Variants in XYLB observed in about 807,000 individuals in gnomAD.
The protein encoded by XYLB is xylulose kinase.
A neutral mutation model predicts 78.7 loss-of-function variants in XYLB; 62 were observed. The observed-to-expected ratio is 0.79, with a 90% CI of 0.64 to 0.97. The LOEUF is 0.97. Among genes scored for constraint, XYLB ranks in the 50% least tolerant of loss-of-function variants. The pLI is 0.00. For synonymous variants in XYLB, 245 were observed against 247.4 expected (o/e 0.99, Z 0.09); for missense variants, 687 against 676.8 (o/e 1.02, Z -0.17).
intron 2 of XYLB, among the ~76,000 whole-genome samples, 167 bp downstream of exon 2, chr3:38,348,799 C>G (rs916823250): frequency 5.9e-5 from 9 of 152,142 alleles, no homozygotes; most frequent in African/African-American, 2.2e-4. Context: ...AGTGCCATCT[C>G]CCCCATTTCT....
At chr3:38,427,197 T>A in the XYLB span, among the ~76,000 whole-genome samples, 1 of 152,198 alleles carries the variant, frequency 6.6e-6, no homozygotes, top group Non-Finnish European at 1.5e-5. Context: ...TTCCTGTGTC[T>A]TTGTCTTAAT....
chr3:38,353,482 T>A (rs960707304), intron 2 of XYLB, among the ~76,000 whole-genome samples: 2 of 151,958 alleles, frequency 1.3e-5, no homozygotes, highest in African/African-American at 4.8e-5. Context: ...AATTTTTTTG[T>A]ATTTTTTTTG....
At position 38,355,604 on chromosome 3, in the gene XYLB, T is replaced by G. The variant is rs756864637; in HGVS notation, c.141-4735T>G. The stretch of plus-strand genomic sequence containing the variant: ...CTTCCTAGGCACTCTCCTGCCTTCC[T>G]TGTAGTTATGTTCAGCCATGTGACT... On this transcript the variant is annotated intron_variant, in intron 2 of 18. Coordinates refer to ENST00000207870, the MANE Select transcript of XYLB (RefSeq NM_005108.4). The G allele has an allele frequency of 8.3e-6, 5 of 602,820 alleles. No individual in the cohort carries two copies. In the East Asian group the frequency reaches 1.4e-4, roughly 17 times the overall value. The allele number at this position is 602,820 out of a possible 1,614,324, so 37.3% of individuals were successfully genotyped here.
intron 2 of XYLB, among the ~76,000 whole-genome samples, chr3:38,353,082 A>G (rs938739952): frequency 1.3e-5 from 2 of 152,128 alleles, no homozygotes; most frequent in African/African-American, 4.8e-5. Context: ...TGAATTTCCC[A>G]GTCTCTTTTA....
At chr3:38,365,539 G>A (rs757980580) in intron 5 of XYLB, 69 bp from the exon 6 acceptor site, 33 of 1,549,866 alleles carry the variant, frequency 2.1e-5, no homozygotes, top group Non-Finnish European at 2.8e-5. Flanking sequence ...CAGTGTGACC[G>A]CCAGCCCTGG....
At chr3:38,353,631 C>T (rs2125553838) in intron 2 of XYLB, among the ~76,000 whole-genome samples, 1 of 152,002 alleles carries the variant, frequency 6.6e-6, no homozygotes, top group Middle Eastern at 3.4e-3. Context: ...TTTTAGAAGC[C>T]CATCTTTACC....
intron 15 of XYLB, among the ~76,000 whole-genome samples, chr3:38,393,250 C>T (rs116581300): frequency 0.015 from 2,304 of 152,174 alleles, 64 homozygotes; most frequent in African/African-American, 0.052. Context: ...TCCTGGGTTC[C>T]TCCCACCTCA....
chr3:38,441,825 A>C, the XYLB span, among the ~76,000 whole-genome samples: 1 of 152,312 alleles, frequency 6.6e-6, no homozygotes, highest in Non-Finnish European at 1.5e-5. Context: ...GTATGCCACT[A>C]GTTGTAGGGT....
chr3:38,354,082 A>G (rs976956781), intron 2 of XYLB, among the ~76,000 whole-genome samples: 3 of 151,316 alleles, frequency 2.0e-5, no homozygotes, highest in Admixed American at 6.6e-5. Flanking sequence ...TTGTTTGTTT[A>G]TTTACTTTTG....
At chr3:38,347,003 C>G in intron 1 of XYLB, 78 bp downstream of exon 1, 1 of 1,299,640 alleles carries the variant, frequency 7.7e-7, no homozygotes, top group Non-Finnish European at 9.9e-7. Flanking sequence ...GTCACCCGGA[C>G]GCGGGAAAAC....
chr3:38,363,496 A>G (rs373370704), intron 4 of XYLB, among the ~76,000 whole-genome samples: 1 of 152,166 alleles, frequency 6.6e-6, no homozygotes, highest in African/African-American at 2.4e-5. Context: ...TCCAGATGTC[A>G]TCCAACTTAA....
At chr3:38,429,144 C>A in the XYLB span, among the ~76,000 whole-genome samples, 1 of 152,200 alleles carries the variant, frequency 6.6e-6, no homozygotes, top group Admixed American at 6.5e-5. Context: ...CAGCACAATT[C>A]TGAAGAGTCA....
At chr3:38,449,736 C>T in the XYLB span, among the ~76,000 whole-genome samples, 1 of 152,190 alleles carries the variant, frequency 6.6e-6, no homozygotes, top group Non-Finnish European at 1.5e-5. Context: ...GTCTGTGTCC[C>T]TGAGTTATTA....
chr3:38,354,835 T>C (rs1330206708), intron 2 of XYLB, among the ~76,000 whole-genome samples: 3 of 152,226 alleles, frequency 2.0e-5, no homozygotes, highest in Non-Finnish European at 4.4e-5. Context: ...GATCATATTA[T>C]CTTTATAAAT....
At chr3:38,449,322 C>T in the XYLB span, among the ~76,000 whole-genome samples, 8 of 152,046 alleles carry the variant, frequency 5.3e-5, no homozygotes, top group East Asian at 1.9e-4. Context: ...AGGGTTTCAC[C>T]GTGTTGGCCA....
At chr3:38,430,325 A>G in the XYLB span, among the ~76,000 whole-genome samples, 2 of 152,138 alleles carry the variant, frequency 1.3e-5, no homozygotes, top group Non-Finnish European at 2.9e-5. Context: ...GCATTTTTTC[A>G]TGGGTCTGTT....
chr3:38,423,666 T>C (rs940034819), downstream of XYLB, among the ~76,000 whole-genome samples: 1 of 152,254 alleles, frequency 6.6e-6, no homozygotes, highest in South Asian at 2.1e-4. Flanking sequence ...AACAGTCCAA[T>C]GATTTGTCAG....
chr3:38,375,995 C>T (rs1706834117), intron 12 of XYLB, 122 bp from the exon 13 acceptor site: 2 of 722,106 alleles, frequency 2.8e-6, no homozygotes, highest in South Asian at 3.1e-5. Context: ...CTGCTGTGCA[C>T]TGACTAGGGG....
At chr3:38,380,299 A>AT (rs1707085920) in intron 15 of XYLB, among the ~76,000 whole-genome samples, 1 of 152,116 alleles carries the variant, frequency 6.6e-6, no homozygotes, top group Admixed American at 6.5e-5. Flanking sequence ...AAAGGAGGAG[A>AT]AAGGGATTTC....
Sources: allele counts gnomAD v4.1 joint callset (sites outside exome capture counted in the v4.1 genomes callset), GRCh38; gene constraint gnomAD v4.1.1; transcripts MANE v1.5; gene names NCBI Gene and HGNC (gene_info 2026-07-23, HGNC 2026-07-21).